The following TAFA2 variants were observed in gnomAD, a reference collection of about 807,000 sequenced individuals.
TAFA2 encodes the protein chemokine-like protein TAFA-2.
TAFA2 carries 7 observed loss-of-function variants against 18.8 expected under a neutral mutation model. That is an observed-to-expected ratio of 0.37 (90% CI 0.21 to 0.70). The LOEUF (loss-of-function observed/expected upper bound fraction) is 0.70. Ranked by LOEUF, TAFA2 falls within the 30% of genes least tolerant of loss-of-function variation. TAFA2 has a pLI of 0.53. For missense variants in TAFA2, 122 were observed against 158.1 expected, an observed-to-expected ratio of 0.77 and a Z score of 1.23; for synonymous variants, 60 against 54.2, an observed-to-expected ratio of 1.11 and a Z score of -0.47.
intron 1 of TAFA2, among the ~76,000 whole-genome samples, chr12:62,165,919 C>CCT (rs753736824): frequency 0.036 from 4,962 of 138,648 alleles, 98 homozygotes; most frequent in Middle Eastern, 0.058. Context: ...TCTCTCTCTT[C>CCT]CTCTCTCTCT....
intron 1 of TAFA2, among the ~76,000 whole-genome samples, chr12:62,072,426 G>C (rs896503422): frequency 6.6e-6 from 1 of 151,062 alleles, no homozygotes; most frequent in East Asian, 2.0e-4. Context: ...CCAAGATCGC[G>C]CCACTGCACT....
At chr12:62,147,330 A>G (rs899236482) in intron 1 of TAFA2, among the ~76,000 whole-genome samples, 442 of 20,700 alleles carry the variant, frequency 0.021, 8 homozygotes, top group Middle Eastern at 0.14. Flanking sequence ...ATGTATGTAT[A>G]TATATATATA....
intron 4 of TAFA2, among the ~76,000 whole-genome samples, chr12:61,718,322 C>T (rs1203947167): frequency 1.3e-5 from 2 of 152,148 alleles, no homozygotes; most frequent in Non-Finnish European, 2.9e-5. Context: ...GCAGATCAGC[C>T]GTTTCTCTCT....
At chr12:62,046,840 GTAAAACCTTT>G (rs1373359748) in intron 1 of TAFA2, among the ~76,000 whole-genome samples, 1 of 151,938 alleles carries the variant, frequency 6.6e-6, no homozygotes, top group Admixed American at 6.6e-5. Flanking sequence ...CATATTATTT[GTAAAACCTTT>G]TAAAACATTA....
intron 1 of TAFA2, among the ~76,000 whole-genome samples, chr12:62,159,072 A>G (rs2062389805): frequency 6.6e-6 from 1 of 152,238 alleles, no homozygotes; most frequent in African/African-American, 2.4e-5. Flanking sequence ...GGCTGTTGAC[A>G]GGAAACATAA....
chr12:62,132,690 G>T (rs1021727107), intron 1 of TAFA2, among the ~76,000 whole-genome samples: 1 of 151,914 alleles, frequency 6.6e-6, no homozygotes, highest in Non-Finnish European at 1.5e-5. Context: ...ACCATGAAGT[G>T]AGACACCTAA....
chr12:61,960,083 C>T lies in TAFA2; in HGVS notation c.-1-92657G>A, dbSNP rs57202550. On this transcript the variant is annotated intron_variant, in intron 1 of 4. Transcript: ENST00000416284. ...AAGAATAGCATGGCTGGTGTGTGTG[C>T]TGAAGTTTGATTTAATTTTTAAGAT... Among the ~76,000 whole-genome samples the T allele has an allele frequency of 2.6e-5, 4 of 151,934 alleles. No individual in the cohort carries two copies. In the East Asian group the frequency reaches 7.7e-4, roughly 29 times the overall value.
intron 4 of TAFA2, among the ~76,000 whole-genome samples, chr12:61,715,028 T>C (rs991011656): frequency 2.6e-5 from 4 of 152,194 alleles, no homozygotes; most frequent in African/African-American, 9.6e-5. Context: ...AATACGCTAT[T>C]GTGATTAAAT....
chr12:62,132,544 C>T (rs528730060), intron 1 of TAFA2, among the ~76,000 whole-genome samples: 1 of 152,016 alleles, frequency 6.6e-6, no homozygotes, highest in African/African-American at 2.4e-5. Context: ...ACAATTATCT[C>T]CACACATTTT....
At chr12:62,101,694 A>G (rs1869211852) in intron 1 of TAFA2, among the ~76,000 whole-genome samples, 1 of 152,196 alleles carries the variant, frequency 6.6e-6, no homozygotes, top group Non-Finnish European at 1.5e-5. Context: ...TCTGGAGTCT[A>G]TTTGAGAGCC....
intron 1 of TAFA2, among the ~76,000 whole-genome samples, chr12:61,931,924 A>T (rs1877571588): frequency 6.6e-6 from 1 of 152,210 alleles, no homozygotes; most frequent in Admixed American, 6.5e-5. Context: ...GTATTTGAAG[A>T]TAATTCTACG....
intron 1 of TAFA2, among the ~76,000 whole-genome samples, chr12:62,038,068 G>T (rs1301538153): frequency 2.6e-5 from 4 of 152,122 alleles, no homozygotes; most frequent in African/African-American, 9.7e-5. Context: ...TACACAGAGA[G>T]AAATTAAAAC....
intron 1 of TAFA2, among the ~76,000 whole-genome samples, chr12:61,929,124 T>C (rs1219514202): frequency 6.6e-6 from 1 of 151,420 alleles, no homozygotes; most frequent in East Asian, 1.9e-4. Context: ...AACCTGCACG[T>C]TCTGCACATG....
intron 1 of TAFA2, among the ~76,000 whole-genome samples, chr12:61,984,295 C>A (rs1879742332): frequency 6.6e-6 from 1 of 152,190 alleles, no homozygotes; most frequent in Admixed American, 6.5e-5. Flanking sequence ...AGAGCCCAGT[C>A]CATGCCCTCA....
chr12:61,893,536 G>C (rs1034570460), intron 1 of TAFA2, among the ~76,000 whole-genome samples: 2 of 152,126 alleles, frequency 1.3e-5, no homozygotes, highest in Non-Finnish European at 2.9e-5. Context: ...GAGAATGGCA[G>C]GACGAAAGCT....
At chr12:61,962,472 T>C (rs1335653380) in intron 1 of TAFA2, among the ~76,000 whole-genome samples, 1 of 151,982 alleles carries the variant, frequency 6.6e-6, no homozygotes, top group Non-Finnish European at 1.5e-5. Context: ...GGTTTTTGCT[T>C]AAGCTTTTGT....
intron 2 of TAFA2, among the ~76,000 whole-genome samples, chr12:61,864,400 GTATATATATATTTCTA>G (rs991727174): frequency 2.7e-5 from 4 of 146,878 alleles, no homozygotes; most frequent in East Asian, 2.0e-4. Context: ...TATATGGTGT[GTATATATATATTTCTA>G]TATATACACA....
At chr12:62,247,999 A>T (rs1324926160) in intron 1 of TAFA2, among the ~76,000 whole-genome samples, 1 of 151,934 alleles carries the variant, frequency 6.6e-6, no homozygotes, top group East Asian at 1.9e-4. Context: ...TCTTTAGTTC[A>T]GCTAAAATCT....
chr12:61,979,817 A>G (rs1370028034), intron 1 of TAFA2, among the ~76,000 whole-genome samples: 1 of 152,050 alleles, frequency 6.6e-6, no homozygotes, highest in Non-Finnish European at 1.5e-5. Flanking sequence ...CTAGAAGGAG[A>G]ACAGTTAATG....
Sources: allele counts gnomAD v4.1 joint callset (sites outside exome capture counted in the v4.1 genomes callset), GRCh38; gene constraint gnomAD v4.1.1; transcripts MANE v1.5; gene names NCBI Gene and HGNC (gene_info 2026-07-23, HGNC 2026-07-21).